CCNF: variants seen among roughly 807,000 people sequenced by gnomAD.
The protein encoded by CCNF is cyclin-F.
In CCNF, 30 loss-of-function variants were observed where a neutral mutation model predicts 85.4. The observed-to-expected ratio is 0.35, with a 90% CI of 0.26 to 0.48. The LOEUF is 0.48. Among genes scored for constraint, CCNF ranks in the 20% least tolerant of loss-of-function variants. The pLI is 0.99. For missense variants in CCNF, 919 were observed against 1,010.4 expected (o/e 0.91, Z 1.23); for synonymous variants, 439 against 425.1 (o/e 1.03, Z -0.40).
chr16:2,450,759 A>T (rs1401339345), intron 13 of CCNF, among the ~76,000 whole-genome samples: 1 of 152,118 alleles, frequency 6.6e-6, no homozygotes, highest in Non-Finnish European at 1.5e-5. Flanking sequence ...AGCCACCCTC[A>T]CTGGTTTCCA....
intron 1 of CCNF, among the ~76,000 whole-genome samples, chr16:2,429,856 G>A (rs1441672507): frequency 6.6e-6 from 1 of 152,124 alleles, no homozygotes; most frequent in Non-Finnish European, 1.5e-5. Context: ...AAAGGGCTGC[G>A]GAGCGCGTGG....
chr16:2,446,063 C>G (rs1244252173), intron 10 of CCNF, among the ~76,000 whole-genome samples: 2 of 152,206 alleles, frequency 1.3e-5, no homozygotes, highest in African/African-American at 4.8e-5. Context: ...CCACGAGTGT[C>G]CCACCTGGTC....
chr16:2,437,529 G>A, intron 5 of CCNF: 1 of 523,714 alleles, frequency 1.9e-6, no homozygotes, highest in Non-Finnish European at 3.4e-6. Flanking sequence ...GGGCTGTGGA[G>A]TTCTGGGTAC....
chr16:2,432,306 G>A (rs2065266889), intron 2 of CCNF, among the ~76,000 whole-genome samples: 1 of 152,148 alleles, frequency 6.6e-6, no homozygotes, highest in Non-Finnish European at 1.5e-5. Context: ...ACTTAACCTA[G>A]AGTATATAGT....
At chr16:2,445,794 C>A (rs1344155160) in intron 10 of CCNF, among the ~76,000 whole-genome samples, 172 bp downstream of exon 10, 3 of 148,880 alleles carry the variant, frequency 2.0e-5, no homozygotes, top group African/African-American at 7.5e-5. Flanking sequence ...GTGGTGCGAT[C>A]TTGGCTCACC....
intron 10 of CCNF, 30 bp from the exon 11 acceptor site, chr16:2,448,825 C>G (rs2065375757): frequency 6.2e-7 from 1 of 1,607,608 alleles, no homozygotes; most frequent in Non-Finnish European, 8.5e-7. Flanking sequence ...GAAGTGGGCT[C>G]CACCCTGAGA....
chr16:2,455,573 G>C lies in CCNF; in HGVS notation c.1885+9G>C, dbSNP rs1226898905. Reference sequence around the variant, plus strand: ...CGAGAAGGAGGGCGACGGTGAGTGTGGGGCCAGGGTGCACCAGAAGGGACA... The same window carrying C: ...CGAGAAGGAGGGCGACGGTGAGTGTCGGGCCAGGGTGCACCAGAAGGGACA... On this transcript the variant is annotated intron_variant, in intron 16 of 16. Coordinates refer to ENST00000397066, the MANE Select transcript of CCNF (RefSeq NM_001761.3). 2 of 1,585,926 alleles carry C rather than the reference G, an allele frequency of 1.3e-6. No homozygotes were observed. The highest frequency in any genetic ancestry group is 1.1e-5 in the South Asian group (1 of 89,872).
At position 2,431,679 on chromosome 16, in the gene CCNF, C is replaced by CA. The variant is rs553578806; in HGVS notation, c.171+414dup. Among the ~76,000 whole-genome samples the CA allele has an allele frequency of 6.7e-3, 490 of 72,894 alleles. 7 individuals carry two copies. Among genetic ancestry groups the CA allele is most frequent in the African/African-American group, 0.02 (347 of 17,156 alleles). The allele number at this position is 72,894 out of a possible 152,430, so 47.8% of individuals were successfully genotyped here. A position where few individuals can be genotyped will look rare whatever the true frequency, so the allele number is the denominator to read the frequency against. ...TGGGCGACAGAGCGAGACTCTGTCT[C>CA]AAAAAAAAAAAAAAAAAAAGGAGGG... is the stretch of plus-strand genomic sequence containing the variant. On this transcript the variant is annotated intron_variant, in intron 2 of 16. Transcript: ENST00000397066.
rs74622580 is a variant in CCNF, at chr16:2,455,261, T to A, written c.1716-134T>A. ...TACCTGTTCTAGCTTCACCGGCATC[T>A]TCTTCGTAGCAGAACCTTTGGGAGC... On this transcript the variant is annotated intron_variant, in intron 15 of 16. Transcript: ENST00000397066. 406 of 1,211,236 alleles carry A rather than the reference T, an allele frequency of 3.4e-4. 4 individuals carry two copies. In the East Asian group the frequency reaches 0.011, roughly 31 times the overall value. 75.0% of individuals were successfully genotyped at this position (1,211,236 alleles called of 1,614,324 possible). A position where few individuals can be genotyped will look rare whatever the true frequency, so the allele number is the denominator to read the frequency against.
At chr16:2,439,945 C>T in intron 8 of CCNF, 119 bp downstream of exon 8, 6 of 820,972 alleles carry the variant, frequency 7.3e-6, no homozygotes, top group Non-Finnish European at 1.2e-5. Context: ...CATGGGAGGC[C>T]AGGATTGAGG....
intron 16 of CCNF, among the ~76,000 whole-genome samples, chr16:2,455,804 C>G (rs1453670579): frequency 6.6e-6 from 1 of 152,212 alleles, no homozygotes; most frequent in Non-Finnish European, 1.5e-5. Flanking sequence ...TTAGGCCACA[C>G]CTATCCGGCT....
intron 2 of CCNF, among the ~76,000 whole-genome samples, chr16:2,431,908 GC>G (rs1428751782): frequency 1.3e-5 from 2 of 150,020 alleles, no homozygotes; most frequent in African/African-American, 4.9e-5. Flanking sequence ...TCGGCTCACT[GC>G]AAGTTCCGCC....
At position 2,449,472 on chromosome 16, in the gene CCNF, G is replaced by C. The variant is rs534066691; in HGVS notation, c.1399+10G>C. 1 of 1,595,970 alleles carries C rather than the reference G, an allele frequency of 6.3e-7. No individual in the cohort carries two copies. Among genetic ancestry groups the C allele is most frequent in the Admixed American group, 1.7e-5 (1 of 59,666 alleles). ...CTGACGCACGGGCAGAGTAAGGAGT[G>C]GCCCTTCCCAGGGATGCCTGTGTCG... On this transcript the variant is annotated intron_variant, in intron 12 of 16. Transcript: ENST00000397066.
intron 10 of CCNF, 107 bp downstream of exon 10, chr16:2,445,729 G>GTT (rs34430433): frequency 4.5e-4 from 414 of 926,524 alleles, no homozygotes; most frequent in South Asian, 1.4e-3. Flanking sequence ...GTTTTGTGTT[G>GTT]TTTTTTTTTT....
rs745629009 is a variant in CCNF at position 2,431,105 on chromosome 16, A to G, written c.17-25A>G. ...TATAGAATAATTTTTCATCTTATCA[A>G]GGCTTCTGTCTTTTTTTCCTTCAGT... On this transcript the variant is annotated intron_variant, in intron 1 of 16. Coordinates refer to ENST00000397066, the MANE Select transcript of CCNF (RefSeq NM_001761.3). 6.2e-6 allele frequency: 10 copies of G among 1,611,596 alleles called. No homozygotes were observed. In the East Asian group the frequency reaches 1.1e-4, roughly 18 times the overall value.
intron 3 of CCNF, 106 bp from the exon 4 acceptor site, chr16:2,435,700 T>C (rs2065287267): frequency 2.1e-6 from 1 of 470,922 alleles, no homozygotes; most frequent in South Asian, 2.4e-5. Flanking sequence ...TATATATATA[T>C]ATATTCAATT....
chr16:2,449,898 G>C lies in CCNF; in HGVS notation c.1470G>C (p.Leu490Phe). ...ATGAAGACCTCATTCCCTGCGTCTTGAGCCTCCATAAGAAGTGGTGAGTTT... is the reference window on the plus strand; with the variant it reads ...ATGAAGACCTCATTCCCTGCGTCTTCAGCCTCCATAAGAAGTGGTGAGTTT... ...FSYEDLIPCVLSLHKKCFHDD... is the reference protein window; with the variant it reads ...FSYEDLIPCVFSLHKKCFHDD... The change falls in exon 13 of 17, where the codon TTG (leucine) becomes TTC (phenylalanine). Residue 490 changes from leucine (L) to phenylalanine (F), a missense_variant. Leu to Phe is a conservative substitution (Grantham distance 22). Around this residue, in one of 3 missense-constraint regions of CCNF, gnomAD observed 505 missense variants for 514.8 expected, o/e 0.98. Transcript: ENST00000397066. 6.2e-7 allele frequency: 1 copy of C among 1,602,276 alleles called. No individual in the cohort carries two copies. The highest frequency in any genetic ancestry group is 8.5e-7 in the Non-Finnish European group (1 of 1,174,012).
intron 13 of CCNF, among the ~76,000 whole-genome samples, chr16:2,450,548 C>G (rs2065389070): frequency 6.6e-6 from 1 of 150,950 alleles, no homozygotes; most frequent in African/African-American, 2.4e-5. Flanking sequence ...TCTTATCTCA[C>G]ACATTTTTCA....
At position 2,443,790 on chromosome 16, in the gene CCNF, GAC is replaced by G; in HGVS notation, c.923_924del (p.Thr308AsnfsTer61). ...QVFSVQKGLNDTMRYILIDWL... is the reference protein window; with the variant it reads ...QVFSVQKGLNXTMRYILIDWL... The stretch of plus-strand genomic sequence containing the variant: ...CTTCTCCGTGCAGAAGGGACTCAAT[GAC>G]ACAATGAGGTGAGGCATTCAGGCCG... On this transcript the variant is annotated frameshift_variant, in exon 9 of 17. Coordinates refer to ENST00000397066, the MANE Select transcript of CCNF (RefSeq NM_001761.3). LOFTEE classifies it high-confidence loss of function. 1 of 1,614,126 alleles carries G rather than the reference GAC, an allele frequency of 6.2e-7. No homozygotes were observed. The highest frequency in any genetic ancestry group is 8.5e-7 in the Non-Finnish European group (1 of 1,180,014).
Sources: allele counts gnomAD v4.1 joint callset (sites outside exome capture counted in the v4.1 genomes callset), GRCh38; gene constraint gnomAD v4.1.1; regional missense constraint gnomAD v4.1.1; transcripts MANE v1.5; gene names NCBI Gene and HGNC (gene_info 2026-07-23, HGNC 2026-07-21).